NEDD9: variants seen among roughly 807,000 people sequenced by gnomAD.
The protein encoded by NEDD9 is neural precursor cell expressed, developmentally down-regulated 9, also known as enhancer of filamentation 1.
NEDD9 carries 26 observed loss-of-function variants against 76.6 expected under a neutral mutation model. The observed-to-expected ratio is 0.34, with a 90% confidence interval of 0.25 to 0.47. The LOEUF is 0.47. Among genes scored for constraint, NEDD9 ranks in the 20% least tolerant of loss-of-function variants. The pLI, the probability that NEDD9 is intolerant of heterozygous loss-of-function variation, is 1.00. For synonymous variants in NEDD9, 392 were observed against 414.2 expected, an observed-to-expected ratio of 0.95 and a Z score of 0.65; for missense variants, 937 against 1,058.5, an observed-to-expected ratio of 0.89 and a Z score of 1.59.
chr6:11,315,384 C>T (rs1368544430), intron 2 of NEDD9, among the ~76,000 whole-genome samples: 1 of 152,230 alleles, frequency 6.6e-6, no homozygotes, highest in African/African-American at 2.4e-5. Flanking sequence ...CTGTGTTCTT[C>T]AGCCCACTCT....
rs758650525 is a variant in NEDD9 at position 11,305,295 on chromosome 6, C to T, written c.12+697G>A. On this transcript the variant is annotated intron_variant, in intron 3 of 3. Transcript: ENST00000397378. ...TCTTCCTGTCACCATTTTATAAACA[C>T]AGAAACAGAGATTCAAAAGGGTCAG... 2.2e-5 allele frequency: 10 copies of T among 458,252 alleles called. No homozygotes were observed. In the East Asian group the frequency reaches 4.3e-4, roughly 20 times the overall value. 28.4% of individuals were successfully genotyped at this position (458,252 alleles called of 1,614,324 possible).
chr6:11,371,232 G>A (rs1455049091), intron 1 of NEDD9, among the ~76,000 whole-genome samples: 1 of 152,174 alleles, frequency 6.6e-6, no homozygotes, highest in Non-Finnish European at 1.5e-5. Context: ...TCCCTCCACA[G>A]ACTGGCACAT....
At position 11,185,214 on chromosome 6, in the gene NEDD9, G is replaced by T. The variant is rs1327413342; in HGVS notation, c.2453C>A (p.Ser818Tyr). The change falls in exon 7 of 7, where the codon TCT (serine) becomes TAT (tyrosine). Residue 818 changes from serine (S) to tyrosine (Y), a missense_variant. Coordinates refer to ENST00000379446, the MANE Select transcript of NEDD9 (RefSeq NM_006403.4). ...GCGCTTGAACAGCTGGGCATTTCTA[G>T]AAAGGTCTGTCACTTGGTGCACCAT... ...QEMVHQVTDL[S>Y]RNAQLFKRSL... The T allele has an allele frequency of 6.2e-7, 1 of 1,614,064 alleles. No homozygotes were observed. Among genetic ancestry groups the T allele is most frequent in the Admixed American group, 1.7e-5 (1 of 60,008 alleles).
chr6:11,285,796 T>G (rs1012585583), intron 3 of NEDD9, among the ~76,000 whole-genome samples: 2 of 152,196 alleles, frequency 1.3e-5, no homozygotes, highest in African/African-American at 4.8e-5. Flanking sequence ...CTAGTACACT[T>G]GGATATCAGT....
chr6:11,208,359 C>T (rs1306899862), intron 2 of NEDD9, among the ~76,000 whole-genome samples: 1 of 152,200 alleles, frequency 6.6e-6, no homozygotes, highest in Non-Finnish European at 1.5e-5. Context: ...TTACAGGACA[C>T]AGGCAGTGAC....
chr6:11,204,933 C>T (rs574829898), intron 2 of NEDD9, among the ~76,000 whole-genome samples: 13 of 152,120 alleles, frequency 8.5e-5, no homozygotes, highest in African/African-American at 3.1e-4. Context: ...ATTCAGATTC[C>T]CTCAGTATTG....
intron 3 of NEDD9, among the ~76,000 whole-genome samples, chr6:11,255,123 G>T (rs1022063862): frequency 1.2e-4 from 19 of 152,210 alleles, no homozygotes; most frequent in African/African-American, 4.3e-4. Context: ...AGTAGGAGAT[G>T]AGAGAAGGGT....
intron 1 of NEDD9, among the ~76,000 whole-genome samples, chr6:11,230,276 C>T (rs766551114): frequency 5.3e-5 from 8 of 152,204 alleles, no homozygotes; most frequent in African/African-American, 1.9e-4. Context: ...GAGAGGTCAA[C>T]GATAGCTCTT....
At position 11,185,664 on chromosome 6, in the gene NEDD9, TG is replaced by T; in HGVS notation, c.2002del (p.Gln668SerfsTer33). The T allele has an allele frequency of 6.2e-7, 1 of 1,614,126 alleles. No individual in the cohort carries two copies. ...AATCTCTTGTTCCAACAGCTGGAAC[TG>T]GCTCAGCTGCAAGGAAGACGAAAGC... ...KMQLEHHQLS[Q>X]FQLLEQEITK... On this transcript the variant is annotated frameshift_variant, in exon 7 of 7. Coordinates refer to ENST00000379446, the MANE Select transcript of NEDD9 (RefSeq NM_006403.4). LOFTEE classifies it high-confidence loss of function.
intron 3 of NEDD9, among the ~76,000 whole-genome samples, chr6:11,244,448 C>A (rs960806803): frequency 6.6e-6 from 1 of 152,122 alleles, no homozygotes; most frequent in Non-Finnish European, 1.5e-5. Context: ...TCTTTTATTT[C>A]TTTCTCCCAC....
At chr6:11,255,461 T>C (rs1393425172) in intron 3 of NEDD9, among the ~76,000 whole-genome samples, 1 of 152,070 alleles carries the variant, frequency 6.6e-6, no homozygotes, top group African/African-American at 2.4e-5. Context: ...CAGGGCCTTG[T>C]GAGAGAGGTA....
At chr6:11,361,266 T>A (rs1441243656) in intron 1 of NEDD9, among the ~76,000 whole-genome samples, 2 of 152,180 alleles carry the variant, frequency 1.3e-5, no homozygotes, top group Non-Finnish European at 2.9e-5. Context: ...TCTTCTGTAT[T>A]AGGGCATTCT....
rs573463090 is a variant in NEDD9, at chr6:11,368,175, G to A, written c.-214+13964C>T. On this transcript the variant is annotated intron_variant, in intron 1 of 3. Transcript: ENST00000397378. ...GCCCTGATGGCTGTTTGCAAGCTGG[G>A]AAGAAGACACCAGGGCTGGGGGGTA... Among the ~76,000 whole-genome samples the A allele has an allele frequency of 1.9e-4, 29 of 152,320 alleles. No homozygotes were observed. In the South Asian group the frequency reaches 4.4e-3, roughly 23 times the overall value.
chr6:11,363,640 C>T (rs988273696), intron 1 of NEDD9, among the ~76,000 whole-genome samples: 15 of 152,154 alleles, frequency 9.9e-5, no homozygotes, highest in African/African-American at 3.4e-4. Flanking sequence ...CTTCTCTGAA[C>T]CTGAAAAGGG....
At chr6:11,381,983 A>C (rs1763071116) in intron 1 of NEDD9, among the ~76,000 whole-genome samples, 2 of 152,166 alleles carry the variant, frequency 1.3e-5, no homozygotes, top group Non-Finnish European at 2.9e-5. Context: ...GGAGTCACTC[A>C]TTCCTCTTCT....
chr6:11,188,942 G>T (rs970875770), intron 5 of NEDD9, among the ~76,000 whole-genome samples: 1 of 130,110 alleles, frequency 7.7e-6, no homozygotes, highest in African/African-American at 2.9e-5. Context: ...AATGGATCTT[G>T]GTAGATTTTT....
chr6:11,287,524 C>CCACA lies in NEDD9; in HGVS notation c.12+18464_12+18467dup, dbSNP rs58610423. On this transcript the variant is annotated intron_variant, in intron 3 of 3. Coordinates refer to the NEDD9 transcript ENST00000397378. ...TATGAAGGTACAGTAGTGCACAAAT[C>CCACA]CACACACACACACACACACACACAC... is the stretch of plus-strand genomic sequence containing the variant. 2.0e-4 allele frequency among the ~76,000 whole-genome samples: 29 copies of CCACA among 148,632 alleles called. No homozygotes were observed. In the East Asian group the frequency reaches 2.4e-3, roughly 12 times the overall value.
intron 3 of NEDD9, among the ~76,000 whole-genome samples, chr6:11,290,686 A>T (rs1393445149): frequency 6.6e-6 from 1 of 152,172 alleles, no homozygotes; most frequent in Admixed American, 6.5e-5. Flanking sequence ...ATTAATTGGA[A>T]TTAATAAGGG....
rs535694619 is a variant in NEDD9 at position 11,209,728 on chromosome 6, A to T, written c.459+3553T>A. Among the ~76,000 whole-genome samples, 7 of 152,340 alleles carry T rather than the reference A, an allele frequency of 4.6e-5. No individual in the cohort carries two copies. In the East Asian group the frequency reaches 1.3e-3, roughly 29 times the overall value. The stretch of plus-strand genomic sequence containing the variant: ...GATGGTCAGTAACTTACCAAAGGAT[A>T]TACAGCTATGGAGAAACAACCCAGC... On this transcript the variant is annotated intron_variant, in intron 2 of 6. Transcript: ENST00000379446.
Sources: gnomAD v4.1 joint callset for allele counts (sites outside exome capture counted in the v4.1 genomes callset) on GRCh38, gnomAD v4.1.1 for gene constraint, MANE v1.5 for transcripts, NCBI Gene and HGNC (gene_info 2026-07-23, HGNC 2026-07-21) for gene names.